Variants in AR observed in about 807,000 individuals in gnomAD.
The protein encoded by AR is dihydrotestosterone receptor.
In AR, 8 loss-of-function variants were observed where a neutral mutation model predicts 53.9. The ratio of observed to expected loss-of-function variants is 0.15; its 90% CI spans 0.09 to 0.27. The LOEUF is 0.27. AR is among the 10% of genes least tolerant of loss of function. The pLI is 1.00. For missense variants in AR, 639 were observed against 742.5 expected, an observed-to-expected ratio of 0.86 and a Z score of 1.62; for synonymous variants, 359 against 316.4, an observed-to-expected ratio of 1.13 and a Z score of -1.43.
intron 1 of AR, among the ~76,000 whole-genome samples, chrX:67,589,001 T>C (rs1474981464): frequency 8.9e-6 from 1 of 112,953 alleles, no homozygotes; most frequent in Non-Finnish European, 1.9e-5. Context: ...CTTAGGTTCA[T>C]GAAGGCAAGG....
chrX:67,648,843 C>T (rs982521966), intron 2 of AR, among the ~76,000 whole-genome samples: 2 of 112,189 alleles, frequency 1.8e-5, no homozygotes, highest in Non-Finnish European at 3.8e-5. Flanking sequence ...CCTTCTGCTA[C>T]CATGCCTTAC....
At chrX:67,641,584 C>A (rs1015684746) in intron 1 of AR, among the ~76,000 whole-genome samples, 3 of 111,529 alleles carry the variant, frequency 2.7e-5, no homozygotes, top group Non-Finnish European at 5.7e-5. Flanking sequence ...GAACTTATGG[C>A]CTTGCTAGCC....
chrX:67,646,132 A>G lies in AR; in HGVS notation c.1768+2725A>G, dbSNP rs767106101. 7.1e-5 allele frequency among the ~76,000 whole-genome samples: 8 copies of G among 112,016 alleles called. No homozygotes were observed. In the South Asian group the frequency reaches 2.2e-3, roughly 31 times the overall value. On this transcript the variant is annotated intron_variant, in intron 2 of 7. Coordinates refer to ENST00000374690, the MANE Select transcript of AR (RefSeq NM_000044.6). The stretch of plus-strand genomic sequence containing the variant: ...ATAAATCTCTGGAATGGGCATAGGT[A>G]CAGGACTTAAAAGCCTGGCATCTCA...
chrX:67,568,504 C>T (rs776286712), intron 1 of AR, among the ~76,000 whole-genome samples: 1 of 111,344 alleles, frequency 9.0e-6, no homozygotes, highest in East Asian at 2.9e-4. Context: ...GTTCTTTGAT[C>T]TCAGTGATTT....
At chrX:67,673,755 G>A (rs753906553) in intron 2 of AR, among the ~76,000 whole-genome samples, 2 of 110,801 alleles carry the variant, frequency 1.8e-5, no homozygotes, top group Non-Finnish European at 3.8e-5. Context: ...CTGTCTGAAA[G>A]GTCACATATC....
At chrX:67,643,623 G>C (rs1164300855) in intron 2 of AR, among the ~76,000 whole-genome samples, 1 of 111,886 alleles carries the variant, frequency 8.9e-6, no homozygotes, top group Non-Finnish European at 1.9e-5. Context: ...AGGCAGTGAA[G>C]GTGGTCCCAG....
chrX:67,623,345 A>G lies in AR; in HGVS notation c.1617-19911A>G, dbSNP rs183893321. ...ATCACAGTGGAAATAATAAACAATT[A>G]GTAATAGAAGGATAGTTGGGAAATT... On this transcript the variant is annotated intron_variant, in intron 1 of 7. Transcript: ENST00000374690. Among the ~76,000 whole-genome samples, 158 of 112,099 alleles carry G rather than the reference A, an allele frequency of 1.4e-3. 1 individual carries two copies. The highest frequency in any genetic ancestry group is 9.3e-3 in the Middle Eastern group (2 of 215).
At position 67,629,033 on chromosome X, in the gene AR, G is replaced by A. The variant is rs377451515; in HGVS notation, c.1617-14223G>A. Among the ~76,000 whole-genome samples, 9 of 111,540 alleles carry A rather than the reference G, an allele frequency of 8.1e-5. No individual in the cohort carries two copies. The South Asian group carries it at 1.5e-3, about 19-fold the overall frequency. On this transcript the variant is annotated intron_variant, in intron 1 of 7. Transcript: ENST00000374690. Reference sequence around the variant, plus strand: ...GCTTTTTGATGTGCTGCTGGATTCCGTTTGCCAGTATTTTATTGAGGATTT... The same window carrying A: ...GCTTTTTGATGTGCTGCTGGATTCCATTTGCCAGTATTTTATTGAGGATTT...
At chrX:67,651,269 G>T (rs1439286180) in intron 2 of AR, among the ~76,000 whole-genome samples, 1 of 105,546 alleles carries the variant, frequency 9.5e-6, no homozygotes, top group African/African-American at 3.5e-5. Flanking sequence ...GGCTGGTCTC[G>T]AACTCCTGAC....
chrX:67,632,403 C>T (rs1207277626), intron 1 of AR, among the ~76,000 whole-genome samples: 1 of 112,075 alleles, frequency 8.9e-6, no homozygotes, highest in African/African-American at 3.2e-5. Flanking sequence ...CCCAATTTTC[C>T]AGGTGCCGTC....
chrX:67,555,932 T>C (rs902085123), intron 1 of AR, among the ~76,000 whole-genome samples: 1 of 112,608 alleles, frequency 8.9e-6, no homozygotes, highest in African/African-American at 3.2e-5. Flanking sequence ...ACTATGGTAC[T>C]TACTGTTTCA....
At chrX:67,576,726 C>T (rs984096626) in intron 1 of AR, among the ~76,000 whole-genome samples, 1 of 110,651 alleles carries the variant, frequency 9.0e-6, no homozygotes, top group Non-Finnish European at 1.9e-5. Flanking sequence ...TGAGAGCTAG[C>T]AGAGAAAGCC....
chrX:67,635,160 G>T (rs1318285227), intron 1 of AR, among the ~76,000 whole-genome samples: 1 of 110,888 alleles, frequency 9.0e-6, no homozygotes, highest in Non-Finnish European at 1.9e-5. Flanking sequence ...TAAGACAAAA[G>T]ATTAAGGCAA....
intron 1 of AR, among the ~76,000 whole-genome samples, chrX:67,628,757 G>A (rs1924863104): frequency 8.9e-6 from 1 of 111,873 alleles, no homozygotes; most frequent in Admixed American, 9.5e-5. Context: ...CATTCAGTAT[G>A]TTATTGGCTG....
rs372806080 is a variant in AR at position 67,705,254 on chromosome X, G to A, written c.1886-6148G>A. Among the ~76,000 whole-genome samples the A allele has an allele frequency of 1.1e-3, 118 of 111,253 alleles. 2 individuals are homozygous for A. The East Asian group carries it at 0.027, about 25-fold the overall frequency. ...CCTTGGGCAGTATGGCCATTTTCAC[G>A]ATATTGATTCTTCCTACCCATGAGC... is the stretch of plus-strand genomic sequence containing the variant. On this transcript the variant is annotated intron_variant, in intron 3 of 7. Transcript: ENST00000374690.
chrX:67,577,773 C>T (rs1469467787), intron 1 of AR, among the ~76,000 whole-genome samples: 1 of 110,716 alleles, frequency 9.0e-6, no homozygotes, highest in Non-Finnish European at 1.9e-5. Context: ...GCTTATTGGC[C>T]GTTTGTATAT....
At chrX:67,718,917 T>C (rs1435248586) in intron 5 of AR, among the ~76,000 whole-genome samples, 2 of 111,813 alleles carry the variant, frequency 1.8e-5, no homozygotes, top group Admixed American at 1.9e-4. Flanking sequence ...ATGTCTGCTG[T>C]ATGAGGTCCC....
intron 1 of AR, among the ~76,000 whole-genome samples, chrX:67,608,631 C>A (rs1275442874): frequency 2.7e-5 from 3 of 111,628 alleles, no homozygotes; most frequent in Non-Finnish European, 5.7e-5. Context: ...TTCAGACCTG[C>A]AATGAAGTGT....
At chrX:67,668,359 T>G (rs1927367593) in intron 2 of AR, among the ~76,000 whole-genome samples, 1 of 112,338 alleles carries the variant, frequency 8.9e-6, no homozygotes, top group African/African-American at 3.2e-5. Flanking sequence ...ATACGATGTA[T>G]CACACTGATT....
Sources: allele counts gnomAD v4.1 joint callset (sites outside exome capture counted in the v4.1 genomes callset), GRCh38; gene constraint gnomAD v4.1.1; transcripts MANE v1.5; gene names NCBI Gene and HGNC (gene_info 2026-07-23, HGNC 2026-07-21).